The following TRIM24 variants were observed in gnomAD, a reference collection of about 807,000 sequenced individuals.
TRIM24 encodes transcription intermediary factor 1-alpha.
Under a neutral mutation model 123.9 loss-of-function variants are expected in TRIM24, and 29 were observed. The observed-to-expected ratio is 0.23, with a 90% confidence interval of 0.17 to 0.32. TRIM24 has a LOEUF of 0.32. TRIM24 is among the 10% of genes least tolerant of loss of function. The pLI is 1.00. For missense variants in TRIM24, 932 were observed against 1,295.3 expected (o/e 0.72, Z 4.31); for synonymous variants, 456 against 461.1 (o/e 0.99, Z 0.14).
chr7:138,461,669 C>G (rs540919821), intron 1 of TRIM24, among the ~76,000 whole-genome samples: 1 of 152,282 alleles, frequency 6.6e-6, no homozygotes, highest in East Asian at 1.9e-4. Flanking sequence ...AGACTTTTGA[C>G]AGGTGTTCCA....
chr7:138,460,991 C>T (rs1395946901), intron 1 of TRIM24, 79 bp downstream of exon 1: 1 of 1,281,174 alleles, frequency 7.8e-7, no homozygotes, highest in Non-Finnish European at 1.0e-6. Flanking sequence ...GCGCGACCCG[C>T]TGTCATGTCG....
intron 8 of TRIM24, among the ~76,000 whole-genome samples, chr7:138,553,469 A>G (rs946460280): frequency 2.6e-4 from 40 of 152,200 alleles, no homozygotes; most frequent in Non-Finnish European, 4.6e-4. Context: ...GAATAACTGT[A>G]TATTTTTAGA....
intron 1 of TRIM24, among the ~76,000 whole-genome samples, chr7:138,502,293 G>A (rs1462873743): frequency 6.6e-6 from 1 of 152,180 alleles, no homozygotes; most frequent in African/African-American, 2.4e-5. Flanking sequence ...TTACTCATGT[G>A]AAATTGTTAC....
chr7:138,579,322 T>C lies in TRIM24; in HGVS notation c.2375T>C (p.Leu792Pro), dbSNP rs1472805617. The C allele has an allele frequency of 1.2e-6, 2 of 1,614,186 alleles. No individual in the cohort carries two copies. The highest frequency in any genetic ancestry group is 1.1e-5 in the South Asian group (1 of 91,082). Residue 792 changes from leucine to proline, a missense_variant, in exon 15 of 19, where the codon CTT becomes CCT. Coordinates refer to ENST00000343526, the MANE Select transcript of TRIM24 (RefSeq NM_015905.3). ...APDSTGDQPG[L>P]HQDNSSNGKS... is the part of the protein sequence containing the mutation. ...GATAGTACAGGAGATCAACCTGGAC[T>C]TCACCAGGACAATTCCTCAAATGGA...
chr7:138,559,994 C>T (rs1244324501), intron 9 of TRIM24, among the ~76,000 whole-genome samples: 2 of 152,218 alleles, frequency 1.3e-5, no homozygotes, highest in South Asian at 2.1e-4. Context: ...AGGTTAATTC[C>T]CCTAGTTCAT....
At chr7:138,567,839 T>C (rs1347474961) in intron 10 of TRIM24, among the ~76,000 whole-genome samples, 185 bp downstream of exon 10, 4 of 152,228 alleles carry the variant, frequency 2.6e-5, no homozygotes, top group South Asian at 2.1e-4. Flanking sequence ...AAACCACTTA[T>C]GTAGAAGTGA....
At chr7:138,463,989 C>CATTTTTTTTTTTTTTTTTT (rs1554429651) in intron 1 of TRIM24, among the ~76,000 whole-genome samples, 14 of 50,766 alleles carry the variant, frequency 2.8e-4, no homozygotes, top group African/African-American at 9.0e-4. Context: ...AAAATTTAGA[C>CATTTTTTTTTTTTTTTTTT]TTTTTTTTTT....
At chr7:138,583,610 A>G (rs1797951888) in intron 17 of TRIM24, among the ~76,000 whole-genome samples, 1 of 152,228 alleles carries the variant, frequency 6.6e-6, no homozygotes, top group Non-Finnish European at 1.5e-5. Flanking sequence ...ACAGAGCAAG[A>G]CCCTGTCTCA....
chr7:138,489,487 A>T (rs1795730342), intron 1 of TRIM24, among the ~76,000 whole-genome samples: 1 of 152,082 alleles, frequency 6.6e-6, no homozygotes, highest in Non-Finnish European at 1.5e-5. Flanking sequence ...GGCTGGTCTC[A>T]GTTGTTCCTT....
intron 11 of TRIM24, among the ~76,000 whole-genome samples, chr7:138,571,909 A>C (rs1003232936): frequency 6.6e-6 from 1 of 152,138 alleles, no homozygotes; most frequent in African/African-American, 2.4e-5. Context: ...TGCATTCTGT[A>C]GACAGATCTC....
chr7:138,474,283 G>A (rs531300460), intron 1 of TRIM24, among the ~76,000 whole-genome samples: 17 of 151,984 alleles, frequency 1.1e-4, no homozygotes, highest in African/African-American at 2.9e-4. Flanking sequence ...CCGCTACTGC[G>A]CCCAGCTAAT....
chr7:138,503,842 A>G (rs1483697660), intron 1 of TRIM24, among the ~76,000 whole-genome samples: 2 of 152,196 alleles, frequency 1.3e-5, no homozygotes, highest in East Asian at 3.8e-4. Flanking sequence ...TGCATTTGTT[A>G]AAAGGAAATG....
chr7:138,463,462 C>G (rs950486201), intron 1 of TRIM24, among the ~76,000 whole-genome samples: 3 of 152,072 alleles, frequency 2.0e-5, no homozygotes, highest in Admixed American at 6.6e-5. Context: ...GAACTTCTGA[C>G]CTCAGGTGAT....
At chr7:138,467,824 C>G in intron 1 of TRIM24, among the ~76,000 whole-genome samples, 1 of 151,938 alleles carries the variant, frequency 6.6e-6, no homozygotes, top group Non-Finnish European at 1.5e-5. Context: ...ATTTTCATTT[C>G]AAACTGTTGG....
chr7:138,488,509 A>G (rs1055995902), intron 1 of TRIM24, among the ~76,000 whole-genome samples: 4 of 152,248 alleles, frequency 2.6e-5, no homozygotes, highest in Middle Eastern at 3.4e-3. Flanking sequence ...CCCTCCTCAC[A>G]CTGCTTTAAA....
At chr7:138,553,280 G>A (rs536924715) in intron 8 of TRIM24, among the ~76,000 whole-genome samples, 2 of 152,184 alleles carry the variant, frequency 1.3e-5, no homozygotes, top group East Asian at 1.9e-4. Flanking sequence ...ATATAAAAGC[G>A]CTAGGGGAAA....
chr7:138,542,038 G>T (rs1177013549), intron 7 of TRIM24, among the ~76,000 whole-genome samples: 2 of 152,144 alleles, frequency 1.3e-5, no homozygotes, highest in Non-Finnish European at 2.9e-5. Flanking sequence ...TTGGGTTAAG[G>T]TTATGTTATA....
At chr7:138,576,940 T>C (rs566942723) in intron 13 of TRIM24, among the ~76,000 whole-genome samples, 41 of 152,322 alleles carry the variant, frequency 2.7e-4, no homozygotes, top group African/African-American at 9.9e-4. Context: ...GGAAGAATTG[T>C]CTGAGGGAGA....
At chr7:138,462,042 T>C (rs1336912246) in intron 1 of TRIM24, among the ~76,000 whole-genome samples, 1 of 152,222 alleles carries the variant, frequency 6.6e-6, no homozygotes, top group Non-Finnish European at 1.5e-5. Context: ...AGCGAGATAC[T>C]GACTGCCCTT....
Sources: gnomAD v4.1 joint callset for allele counts (sites outside exome capture counted in the v4.1 genomes callset) on GRCh38, gnomAD v4.1.1 for gene constraint, MANE v1.5 for transcripts, NCBI Gene and HGNC (gene_info 2026-07-23, HGNC 2026-07-21) for gene names.